The following ANKFN1 variants were observed in gnomAD, a reference collection of about 807,000 sequenced individuals.
ANKFN1 encodes the protein ankyrin repeat and fibronectin type III domain containing 1, also known as ankyrin repeat and fibronectin type-III domain-containing protein 1.
Under a neutral mutation model 108.7 loss-of-function variants are expected in ANKFN1, and 74 were observed. The observed-to-expected ratio is 0.68, with a 90% confidence interval of 0.56 to 0.83. The LOEUF (loss-of-function observed/expected upper bound fraction) is 0.83. Among genes scored for constraint, ANKFN1 ranks in the 40% least tolerant of loss-of-function variants. The probability of loss-of-function intolerance (pLI) is 0.00; values close to 1 mark genes in which losing one functional copy is unlikely to be tolerated. For synonymous variants in ANKFN1, 547 were observed against 516.2 expected (o/e 1.06, Z -0.81); for missense variants, 1,505 against 1,382.3 (o/e 1.09, Z -1.41).
At chr17:56,213,725 G>A (rs1197540549) in intron 2 of ANKFN1, among the ~76,000 whole-genome samples, 1 of 152,166 alleles carries the variant, frequency 6.6e-6, no homozygotes, top group Non-Finnish European at 1.5e-5. Context: ...AGGAAATTGA[G>A]GATGAAGTAA....
intron 8 of ANKFN1, among the ~76,000 whole-genome samples, chr17:56,418,891 G>A (rs982510780): frequency 2.0e-5 from 3 of 151,968 alleles, no homozygotes; most frequent in Admixed American, 6.6e-5. Flanking sequence ...CAGGATCTGC[G>A]CAATTTGTAG....
Position 56,063,130 on chromosome 17 carries a change from G to A in ANKFN1, c.288+16805G>A, listed in dbSNP as rs1037795088. ...TGATGGGCTTCCCTTTTTAGGTGAC[G>A]TGGCCTTTCTCTCAGGCTGCCCTTA... On this transcript the variant is annotated intron_variant, in intron 4 of 12. Coordinates refer to the ANKFN1 transcript ENST00000635860. Among the ~76,000 whole-genome samples the A allele has an allele frequency of 4.6e-5, 7 of 152,070 alleles. No homozygotes were observed. The East Asian group carries it at 9.7e-4, about 21-fold the overall frequency.
At chr17:56,408,398 C>T (rs1381897967) in intron 8 of ANKFN1, among the ~76,000 whole-genome samples, 3 of 152,138 alleles carry the variant, frequency 2.0e-5, no homozygotes, top group Non-Finnish European at 4.4e-5. Flanking sequence ...CTAGTTAACT[C>T]TGGGTTCCTG....
intron 1 of ANKFN1, among the ~76,000 whole-genome samples, chr17:56,171,279 C>T (rs992113915): frequency 2.0e-5 from 3 of 152,030 alleles, no homozygotes; most frequent in South Asian, 2.1e-4. Context: ...CTGGGGAGAC[C>T]GGAGCCAGTG....
At position 56,231,457 on chromosome 17, in the gene ANKFN1, C is replaced by T. The variant is rs189916368; in HGVS notation, c.53+3500C>T. On this transcript the variant is annotated intron_variant, in intron 3 of 20. Coordinates refer to ENST00000682825, the MANE Select transcript of ANKFN1 (RefSeq NM_001370326.1). ...AGTGATTTGTTCTGTTTCTATTCAT[C>T]GCCTCTGGAAAGGGTTTGCAGACTT... Among the ~76,000 whole-genome samples, 167 of 152,252 alleles carry T rather than the reference C, an allele frequency of 1.1e-3. 1 individual carries two copies. Among genetic ancestry groups the T allele is most frequent in the African/African-American group, 3.8e-3 (157 of 41,546 alleles).
chr17:56,247,085 C>T (rs1358000691), intron 3 of ANKFN1, among the ~76,000 whole-genome samples: 1 of 152,300 alleles, frequency 6.6e-6, no homozygotes, highest in Non-Finnish European at 1.5e-5. Context: ...TCCTATCTAT[C>T]ATTTTTTCAT....
intron 4 of ANKFN1, among the ~76,000 whole-genome samples, chr17:56,051,685 A>C (rs992947305): frequency 2.2e-5 from 3 of 135,550 alleles, no homozygotes; most frequent in Non-Finnish European, 4.8e-5. Context: ...GTCTCAGCCC[A>C]AAATCTCCTT....
chr17:56,139,955 T>G (rs1907820366), intron 4 of ANKFN1, among the ~76,000 whole-genome samples: 2 of 152,276 alleles, frequency 1.3e-5, no homozygotes, highest in Admixed American at 6.5e-5. Context: ...ACCTCTGCTC[T>G]TCTATCCCTT....
intron 11 of ANKFN1, among the ~76,000 whole-genome samples, chr17:56,454,459 G>C (rs555646638): frequency 1.3e-5 from 2 of 151,786 alleles, no homozygotes; most frequent in Non-Finnish European, 2.9e-5. Context: ...CTAATTTTTG[G>C]CCTTTGTATT....
At chr17:56,144,179 A>C (rs1243119602) in intron 4 of ANKFN1, among the ~76,000 whole-genome samples, 6 of 122,480 alleles carry the variant, frequency 4.9e-5, no homozygotes, top group East Asian at 3.0e-4. Context: ...AAAAAAAAAA[A>C]AAAAAACAGC....
intron 3 of ANKFN1, among the ~76,000 whole-genome samples, chr17:56,255,463 G>A (rs1342348761): frequency 6.6e-6 from 1 of 152,116 alleles, no homozygotes; most frequent in Non-Finnish European, 1.5e-5. Flanking sequence ...AGTGTGGGAG[G>A]GATATTCCTT....
intron 8 of ANKFN1, among the ~76,000 whole-genome samples, chr17:56,431,311 A>G (rs2048746931): frequency 6.6e-6 from 1 of 152,188 alleles, no homozygotes; most frequent in Non-Finnish European, 1.5e-5. Flanking sequence ...TAAATGTTAA[A>G]ATTATTTATT....
At chr17:56,206,481 G>A (rs1914546066) in intron 1 of ANKFN1, 1 of 152,092 alleles carries the variant, frequency 6.6e-6, no homozygotes, top group Admixed American at 6.6e-5. Context: ...TCTTTCTGCT[G>A]GTAGGAAATA....
intron 2 of ANKFN1, among the ~76,000 whole-genome samples, chr17:56,216,112 C>T (rs1218423459): frequency 1.3e-5 from 2 of 152,124 alleles, no homozygotes; most frequent in African/African-American, 2.4e-5. Flanking sequence ...GGGCTTTTTT[C>T]CCCCAAATTT....
chr17:56,048,020 A>C (rs954811136), intron 4 of ANKFN1, among the ~76,000 whole-genome samples: 1 of 152,160 alleles, frequency 6.6e-6, no homozygotes, highest in Admixed American at 6.6e-5. Flanking sequence ...TCCCTGTGCC[A>C]TCTCCCAATC....
intron 3 of ANKFN1, among the ~76,000 whole-genome samples, chr17:56,261,375 T>C (rs960737843): frequency 6.6e-6 from 1 of 152,210 alleles, no homozygotes; most frequent in Non-Finnish European, 1.5e-5. Flanking sequence ...GGTAGCTCTA[T>C]AACTCCAGTG....
In ANKFN1 at chr17:56,513,573, A is replaced by T. The variant is rs1284243605; in HGVS notation, c.*2304A>T. ...CTGATCATTCTGGTGGCATAGGAGGAAGTTTGTGACTGAATCAGGTGGGAG... is the reference window on the plus strand; with the variant it reads ...CTGATCATTCTGGTGGCATAGGAGGTAGTTTGTGACTGAATCAGGTGGGAG... On this transcript the variant is annotated 3_prime_UTR_variant, in exon 21 of 21. Coordinates refer to ENST00000682825, the MANE Select transcript of ANKFN1 (RefSeq NM_001370326.1). Among the ~76,000 whole-genome samples the T allele has an allele frequency of 6.6e-6, 1 of 152,214 alleles. No homozygotes were observed. Among genetic ancestry groups the T allele is most frequent in the Non-Finnish European group, 1.5e-5 (1 of 68,034 alleles).
chr17:56,222,303 C>A (rs1430587224), intron 2 of ANKFN1, among the ~76,000 whole-genome samples: 1 of 152,222 alleles, frequency 6.6e-6, no homozygotes, highest in Non-Finnish European at 1.5e-5. Context: ...TTGCCTCTCA[C>A]AACTTGCAGA....
chr17:56,475,812 A>G (rs2050479022), intron 15 of ANKFN1, among the ~76,000 whole-genome samples: 1 of 152,134 alleles, frequency 6.6e-6, no homozygotes, highest in South Asian at 2.1e-4. Context: ...GAAAACCAGG[A>G]TATGCTCCTA....
Sources: allele counts gnomAD v4.1 joint callset (sites outside exome capture counted in the v4.1 genomes callset), GRCh38; gene constraint gnomAD v4.1.1; transcripts MANE v1.5; gene names NCBI Gene and HGNC (gene_info 2026-07-23, HGNC 2026-07-21).